The following ITPRIPL2 variants were observed in gnomAD, a reference collection of about 807,000 sequenced individuals.
The protein encoded by ITPRIPL2 is inositol 1,4,5-trisphosphate receptor-interacting protein-like 2.
ITPRIPL2 carries 29 observed loss-of-function variants against 31.7 expected under a neutral mutation model. The observed-to-expected ratio is 0.91, with a 90% CI of 0.68 to 1.25. ITPRIPL2 has a LOEUF of 1.25. ITPRIPL2 is among the 50% of genes most tolerant of loss of function. The pLI, the probability that ITPRIPL2 is intolerant of heterozygous loss-of-function variation, is 0.00. For synonymous variants in ITPRIPL2, 344 were observed against 343.4 expected, an observed-to-expected ratio of 1.00 and a Z score of -0.02; for missense variants, 696 against 739.1, an observed-to-expected ratio of 0.94 and a Z score of 0.68.
At position 19,114,045 on chromosome 16, in the gene ITPRIPL2, G is replaced by A; in HGVS notation, c.-417G>A. On this transcript the variant is annotated 5_prime_UTR_variant, in exon 1 of 1. Transcript: ENST00000381440. ...GCTGGCGCGGCCTCGCCTCCCCCTCGGAAGAGGAAACTCCCGGGGTCCGAG... is the reference window on the plus strand; with the variant it reads ...GCTGGCGCGGCCTCGCCTCCCCCTCAGAAGAGGAAACTCCCGGGGTCCGAG... 2 of 397,684 alleles carry A rather than the reference G, an allele frequency of 5.0e-6. No homozygotes were observed. Among genetic ancestry groups the A allele is most frequent in the Non-Finnish European group, 8.9e-6 (2 of 225,428 alleles). 24.6% of individuals were successfully genotyped at this position (397,684 alleles called of 1,614,324 possible).
Position 19,119,269 on chromosome 16 carries a change from A to G in ITPRIPL2, c.*3200A>G. ...AGATGAAAGTGAAGCAAGAGAGGGA[A>G]GGGGAAATGAAGTGAAAATGGCGTG... On this transcript the variant is annotated 3_prime_UTR_variant, in exon 1 of 1. Coordinates refer to ENST00000381440, the MANE Select transcript of ITPRIPL2 (RefSeq NM_001034841.4). The G allele has an allele frequency of 2.5e-6, 1 of 400,724 alleles. No homozygotes were observed. The highest frequency in any genetic ancestry group is 4.6e-6 in the Non-Finnish European group (1 of 218,678). The allele number at this position is 400,724 out of a possible 1,614,324, so 24.8% of individuals were successfully genotyped here. A position where few individuals can be genotyped will look rare whatever the true frequency, so the allele number is the denominator to read the frequency against.
rs531141939 is a variant in ITPRIPL2 at position 19,117,398 on chromosome 16, C to G, written c.*1329C>G. ...TTAGGAAAAGAGCAAGGGAGACAGC[C>G]CTTGACGGCAGTCTGTCTCTTTTCT... is the stretch of plus-strand genomic sequence containing the variant. On this transcript the variant is annotated 3_prime_UTR_variant, in exon 1 of 1. Coordinates refer to ENST00000381440, the MANE Select transcript of ITPRIPL2 (RefSeq NM_001034841.4). 6.0e-6 allele frequency: 1 copy of G among 167,164 alleles called. No individual in the cohort carries two copies. Among genetic ancestry groups the G allele is most frequent in the South Asian group, 2.1e-4 (1 of 4,826 alleles). 10.4% of individuals were successfully genotyped at this position (167,164 alleles called of 1,614,324 possible).
rs918596651 is a variant in ITPRIPL2 at position 19,114,714 on chromosome 16, G to C, written c.253G>C (p.Ala85Pro). The change falls in exon 1 of 1, where the codon GCC becomes CCC. Residue 85 changes from alanine (A) to proline (P), a missense_variant. Ala to Pro is a conservative substitution (Grantham distance 27). Transcript: ENST00000381440. ...LPGSPRLEGH[A>P]AFSSRHFREP... ...CGGGTCTCCCCGTCTGGAGGGTCACGCCGCCTTCTCCTCGAGACACTTCCG... is the reference window on the plus strand; with the variant it reads ...CGGGTCTCCCCGTCTGGAGGGTCACCCCGCCTTCTCCTCGAGACACTTCCG... The C allele has an allele frequency of 3.7e-6, 6 of 1,612,694 alleles. No homozygotes were observed. The highest frequency in any genetic ancestry group is 5.1e-6 in the Non-Finnish European group (6 of 1,179,878).
At position 19,118,211 on chromosome 16, in the gene ITPRIPL2, T is replaced by A. The variant is rs1409073990; in HGVS notation, c.*2142T>A. ...TGGGCGTGGTGGCTCACGCCTGTAA[T>A]CCCAGCACTTTGGGAGGCGAGGTGG... On this transcript the variant is annotated 3_prime_UTR_variant, in exon 1 of 1. Coordinates refer to ENST00000381440, the MANE Select transcript of ITPRIPL2 (RefSeq NM_001034841.4). 6.0e-6 allele frequency: 1 copy of A among 166,984 alleles called. No homozygotes were observed. The highest frequency in any genetic ancestry group is 2.4e-5 in the African/African-American group (1 of 41,414). The allele number at this position is 166,984 out of a possible 1,614,324, so 10.3% of individuals were successfully genotyped here.
Position 19,115,297 on chromosome 16 carries a change from C to G in ITPRIPL2, c.836C>G (p.Thr279Ser). ...GAGGGGCGCTGTCGGGTCACCTTGA[C>G]CCCAGGTGGCCTGGAACAGCCCCCC... is the stretch of plus-strand genomic sequence containing the variant. Reference protein sequence around the residue: ...SLEGRCRVTLTPGGLEQPPTL... With the variant: ...SLEGRCRVTLSPGGLEQPPTL... The change falls in exon 1 of 1, where the codon ACC becomes AGC. Residue 279 changes from threonine to serine, a missense_variant. By Grantham distance (58) the Thr-to-Ser change is moderately conservative. Transcript: ENST00000381440. 1 of 1,613,184 alleles carries G rather than the reference C, an allele frequency of 6.2e-7. No individual in the cohort carries two copies. Among genetic ancestry groups the G allele is most frequent in the South Asian group, 1.1e-5 (1 of 91,090 alleles).
In ITPRIPL2 at chr16:19,113,970, G is replaced by A. The variant is rs1396225227; in HGVS notation, c.-492G>A. The A allele has an allele frequency of 5.1e-6, 2 of 388,732 alleles. No individual in the cohort carries two copies. Among genetic ancestry groups the A allele is most frequent in the Admixed American group, 8.9e-5 (2 of 22,458 alleles). 24.1% of individuals were successfully genotyped at this position (388,732 alleles called of 1,614,324 possible). A position where few individuals can be genotyped will look rare whatever the true frequency, so the allele number is the denominator to read the frequency against. On this transcript the variant is annotated 5_prime_UTR_variant, in exon 1 of 1. Transcript: ENST00000381440. ...GGAGGCCCGGGAGGGGGCCGACCCG[G>A]CTCGCCAGCTCCACGCTCGGCTCCA...
rs1963484861 is a variant in ITPRIPL2, at chr16:19,119,389, A to T, written c.*3320A>T. ...AGCAGCCTGTAGAAACAGGGGTGGG[A>T]GGTGGGGGGGAAGCTGTGCCCACCT... On this transcript the variant is annotated 3_prime_UTR_variant, in exon 1 of 1. Transcript: ENST00000381440. 9.0e-5 allele frequency: 17 copies of T among 188,858 alleles called. No individual in the cohort carries two copies. The highest frequency in any genetic ancestry group is 1.4e-4 in the Non-Finnish European group (12 of 83,740). 11.7% of individuals were successfully genotyped at this position (188,858 alleles called of 1,614,324 possible).
In ITPRIPL2 at chr16:19,114,484, A is replaced by T. The variant is rs750834849; in HGVS notation, c.23A>T (p.Asn8Ile). The T allele has an allele frequency of 2.8e-6, 4 of 1,446,648 alleles. No individual in the cohort carries two copies. Among genetic ancestry groups the T allele is most frequent in the Non-Finnish European group, 3.6e-6 (4 of 1,098,966 alleles). 89.6% of individuals were successfully genotyped at this position (1,446,648 alleles called of 1,614,324 possible). A position where few individuals can be genotyped will look rare whatever the true frequency, so the allele number is the denominator to read the frequency against. Residue 8 changes from asparagine to isoleucine, a missense_variant, in exon 1 of 1, where the codon AAT becomes ATT. Physicochemically the swap from Asn to Ile is moderately radical, Grantham distance 149 (BLOSUM62 -3). Transcript: ENST00000381440. ...GGCATGTCGGTGCACTACACCCTCA[A>T]TCTACGCGTCTTCTGGCCCCTGGTG... MSVHYTLNLRVFWPLVTG... is the reference protein window; with the variant it reads MSVHYTLILRVFWPLVTG...
Position 19,120,980 on chromosome 16 carries a change from C to T in ITPRIPL2, c.*4911C>T, listed in dbSNP as rs1963512736. The T allele has an allele frequency of 1.2e-5, 2 of 166,748 alleles. No individual in the cohort carries two copies. The highest frequency in any genetic ancestry group is 1.3e-4 in the Admixed American group (2 of 15,256). The allele number at this position is 166,748 out of a possible 1,614,324, so 10.3% of individuals were successfully genotyped here. On this transcript the variant is annotated 3_prime_UTR_variant, in exon 1 of 1. Coordinates refer to ENST00000381440, the MANE Select transcript of ITPRIPL2 (RefSeq NM_001034841.4). ...TGATTCAGTGGTGGGGAAAATGAAC[C>T]TCGGTAACATTTCCAATGTCCTTCA...
At position 19,120,996 on chromosome 16, in the gene ITPRIPL2, A is replaced by G. The variant is rs1455293402; in HGVS notation, c.*4927A>G. The G allele has an allele frequency of 2.4e-5, 4 of 166,642 alleles. No individual in the cohort carries two copies. Among genetic ancestry groups the G allele is most frequent in the Non-Finnish European group, 5.9e-5 (4 of 68,054 alleles). 10.3% of individuals were successfully genotyped at this position (166,642 alleles called of 1,614,324 possible). A position where few individuals can be genotyped will look rare whatever the true frequency, so the allele number is the denominator to read the frequency against. On this transcript the variant is annotated 3_prime_UTR_variant, in exon 1 of 1. Coordinates refer to ENST00000381440, the MANE Select transcript of ITPRIPL2 (RefSeq NM_001034841.4). ...AAAATGAACCTCGGTAACATTTCCA[A>G]TGTCCTTCAAGAGGGAAACAAGTTC...
Position 19,118,531 on chromosome 16 carries a change from CCT to C in ITPRIPL2, c.*2465_*2466del, listed in dbSNP as rs2142439558. 2 of 165,164 alleles carry C rather than the reference CCT, an allele frequency of 1.2e-5. No homozygotes were observed. The highest frequency in any genetic ancestry group is 2.1e-4 in the South Asian group (1 of 4,768). The allele number at this position is 165,164 out of a possible 1,614,324, so 10.2% of individuals were successfully genotyped here. ...ATATTTCTAGCAGTGTCAGTGAGTT[CCT>C]CTTTTAATAGTGTTTTAAAGTATAA... On this transcript the variant is annotated 3_prime_UTR_variant, in exon 1 of 1. Transcript: ENST00000381440.
In ITPRIPL2 at chr16:19,116,003, C is replaced by A. The variant is rs1327064360; in HGVS notation, c.1542C>A (p.Arg514=). ...PQLLRAYGGP[R]YLARCPPPRS... ...TTCTCCGGGCCTACGGGGGTCCCCG[C>A]TACCTTGCCAGGTGCCCCCCACCCC... Residue 514 remains arginine (R), a synonymous_variant, in exon 1 of 1, where the codon CGC becomes CGA. Transcript: ENST00000381440. 1.2e-6 allele frequency: 2 copies of A among 1,611,458 alleles called. No homozygotes were observed. Among genetic ancestry groups the A allele is most frequent in the African/African-American group, 2.7e-5 (2 of 75,036 alleles).
In ITPRIPL2 at chr16:19,115,115, G is replaced by A. The variant is rs1299975046; in HGVS notation, c.654G>A (p.Ser218=). 1.9e-6 allele frequency: 3 copies of A among 1,601,334 alleles called. No homozygotes were observed. Among genetic ancestry groups the A allele is most frequent in the African/African-American group, 2.7e-5 (2 of 74,928 alleles). Residue 218 remains serine (S), a synonymous_variant, in exon 1 of 1, where the codon TCG becomes TCA. Transcript: ENST00000381440. ...CCCTCAAGGCACCACCCTCACCATCGGGGGCCTCGGGGGGCCACTGGCTTC... is the reference window on the plus strand; with the variant it reads ...CCCTCAAGGCACCACCCTCACCATCAGGGGCCTCGGGGGGCCACTGGCTTC... ...LCALKAPPSP[S]GASGGHWLRD... is the part of the protein sequence containing the mutation.
Position 19,119,274 on chromosome 16 carries a change from A to C in ITPRIPL2, c.*3205A>C. 2.5e-6 allele frequency: 1 copy of C among 401,380 alleles called. No homozygotes were observed. The highest frequency in any genetic ancestry group is 4.6e-6 in the Non-Finnish European group (1 of 219,122). 24.9% of individuals were successfully genotyped at this position (401,380 alleles called of 1,614,324 possible). A position where few individuals can be genotyped will look rare whatever the true frequency, so the allele number is the denominator to read the frequency against. ...AAAGTGAAGCAAGAGAGGGAAGGGG[A>C]AATGAAGTGAAAATGGCGTGAGGGT... is the stretch of plus-strand genomic sequence containing the variant. On this transcript the variant is annotated 3_prime_UTR_variant, in exon 1 of 1. Coordinates refer to ENST00000381440, the MANE Select transcript of ITPRIPL2 (RefSeq NM_001034841.4).
At position 19,115,891 on chromosome 16, in the gene ITPRIPL2, C is replaced by T. The variant is rs947608954; in HGVS notation, c.1430C>T (p.Pro477Leu). 2 of 1,611,778 alleles carry T rather than the reference C, an allele frequency of 1.2e-6. No homozygotes were observed. The highest frequency in any genetic ancestry group is 1.3e-5 in the African/African-American group (1 of 74,942). Residue 477 changes from proline (P) to leucine (L), a missense_variant, in exon 1 of 1, where the codon CCA (proline) becomes CTA (leucine). Coordinates refer to ENST00000381440, the MANE Select transcript of ITPRIPL2 (RefSeq NM_001034841.4). Reference sequence around the variant, plus strand: ...CCCAAGGCACTGAGGGAAGCCGCCCCAGTTGACCTCCTGGCCGCTTTCGAC... The same window carrying T: ...CCCAAGGCACTGAGGGAAGCCGCCCTAGTTGACCTCCTGGCCGCTTTCGAC... ...PLPKALREAA[P>L]VDLLAAFDGH...
In ITPRIPL2 at chr16:19,119,240, C is replaced by T; in HGVS notation, c.*3171C>T. 1 of 409,064 alleles carries T rather than the reference C, an allele frequency of 2.4e-6. No homozygotes were observed. Among genetic ancestry groups the T allele is most frequent in the Non-Finnish European group, 4.5e-6 (1 of 224,018 alleles). 25.3% of individuals were successfully genotyped at this position (409,064 alleles called of 1,614,324 possible). The stretch of plus-strand genomic sequence containing the variant: ...AATCCAAAGACCTGGGGAAGGAGGA[C>T]TTAAGATGAAAGTGAAGCAAGAGAG... On this transcript the variant is annotated 3_prime_UTR_variant, in exon 1 of 1. Transcript: ENST00000381440.
In ITPRIPL2 at chr16:19,115,591, A is replaced by T; in HGVS notation, c.1130A>T (p.Gln377Leu). Residue 377 changes from glutamine to leucine, a missense_variant, in exon 1 of 1, where the codon CAG becomes CTG. Gln to Leu is a moderately radical substitution (Grantham distance 113, BLOSUM62 -2). Transcript: ENST00000381440. Reference sequence around the variant, plus strand: ...GGTGCCTGCTACCTCAAGTGCCTGCAGTTGCTTAAGGCTCTGCGCGATCTG... The same window carrying T: ...GGTGCCTGCTACCTCAAGTGCCTGCTGTTGCTTAAGGCTCTGCGCGATCTG... ...APGACYLKCLQLLKALRDLGA... is the reference protein window; with the variant it reads ...APGACYLKCLLLLKALRDLGA... 6.2e-7 allele frequency: 1 copy of T among 1,606,324 alleles called. No homozygotes were observed. Among genetic ancestry groups the T allele is most frequent in the Non-Finnish European group, 8.5e-7 (1 of 1,178,976 alleles).
At position 19,117,676 on chromosome 16, in the gene ITPRIPL2, A is replaced by C. The variant is rs775500923; in HGVS notation, c.*1607A>C. 1 of 167,050 alleles carries C rather than the reference A, an allele frequency of 6.0e-6. No homozygotes were observed. The highest frequency in any genetic ancestry group is 1.5e-5 in the Non-Finnish European group (1 of 68,106). The allele number at this position is 167,050 out of a possible 1,614,324, so 10.3% of individuals were successfully genotyped here. A position where few individuals can be genotyped will look rare whatever the true frequency, so the allele number is the denominator to read the frequency against. On this transcript the variant is annotated 3_prime_UTR_variant, in exon 1 of 1. Transcript: ENST00000381440. ...TAAAATTTGGAAGACAGAAATGCCT[A>C]TGTGAATAGAATCATTGTTGAAGTT... is the stretch of plus-strand genomic sequence containing the variant.
At position 19,121,120 on chromosome 16, in the gene ITPRIPL2, G is replaced by A. The variant is rs1301923571; in HGVS notation, c.*5051G>A. 2.4e-5 allele frequency: 4 copies of A among 166,702 alleles called. No homozygotes were observed. The highest frequency in any genetic ancestry group is 5.9e-5 in the Non-Finnish European group (4 of 68,078). The allele number at this position is 166,702 out of a possible 1,614,324, so 10.3% of individuals were successfully genotyped here. On this transcript the variant is annotated 3_prime_UTR_variant, in exon 1 of 1. Transcript: ENST00000381440. ...TACCTACATAGCACATGACTGGGGGGATAAAGCATGTATAAGTTGGGAGAG... is the reference window on the plus strand; with the variant it reads ...TACCTACATAGCACATGACTGGGGGAATAAAGCATGTATAAGTTGGGAGAG...
Sources: gnomAD v4.1 joint callset for allele counts on GRCh38, gnomAD v4.1.1 for gene constraint, MANE v1.5 for transcripts, NCBI Gene and HGNC (gene_info 2026-07-23, HGNC 2026-07-21) for gene names.